Variants in HPF1 observed in about 807,000 individuals in gnomAD.
HPF1 encodes the protein histone PARylation factor 1.
HPF1 carries 35 observed loss-of-function variants against 38.8 expected under a neutral mutation model. The ratio of observed to expected loss-of-function variants is 0.90; its 90% CI spans 0.69 to 1.19. The LOEUF (loss-of-function observed/expected upper bound fraction) is 1.19, where lower values mean the gene tolerates loss of function less well. HPF1 is among the 50% of genes most tolerant of loss of function. HPF1 has a pLI of 0.00. For synonymous variants in HPF1, 115 were observed against 139.2 expected (o/e 0.83, Z 1.22); for missense variants, 367 against 405.8 (o/e 0.90, Z 0.82).
Position 169,731,883 on chromosome 4 carries a change from G to T in HPF1, c.737-7C>A, listed in dbSNP as rs761535771. 2.5e-6 allele frequency: 4 copies of T among 1,602,836 alleles called. No homozygotes were observed. In the South Asian group the frequency reaches 3.3e-5, roughly 13 times the overall value. On this transcript the variant is annotated splice_polypyrimidine_tract_variant and splice_region_variant and intron_variant, in intron 6 of 7. Transcript: ENST00000393381. Reference sequence around the variant, plus strand: ...CAAATTCTCTTGAGGTCAGCTGAAAGAAATCAATAATATAAAAGATTATCT... The same window carrying T: ...CAAATTCTCTTGAGGTCAGCTGAAATAAATCAATAATATAAAAGATTATCT...
chr4:169,744,025 G>A (rs1734013506), intron 4 of HPF1, among the ~76,000 whole-genome samples: 1 of 152,114 alleles, frequency 6.6e-6, no homozygotes, highest in Non-Finnish European at 1.5e-5. Flanking sequence ...ACAGCACACG[G>A]TTACACTAAA....
chr4:169,730,877 A>T (rs1365056761), intron 7 of HPF1, among the ~76,000 whole-genome samples: 1 of 152,228 alleles, frequency 6.6e-6, no homozygotes. Flanking sequence ...GCACTGATTT[A>T]GGCACTGATT....
chr4:169,756,539 ACT>A (rs570343220), intron 1 of HPF1, among the ~76,000 whole-genome samples: 27 of 152,166 alleles, frequency 1.8e-4, no homozygotes, highest in African/African-American at 5.8e-4. Context: ...TTGACTCCTG[ACT>A]CTACTGATTT....
intron 6 of HPF1, among the ~76,000 whole-genome samples, chr4:169,732,878 T>C (rs1254421629): frequency 6.6e-6 from 1 of 152,208 alleles, no homozygotes; most frequent in Non-Finnish European, 1.5e-5. Context: ...TGATTTGAAA[T>C]ATACAGGAGG....
In HPF1 at chr4:169,748,735, T is replaced by C. The variant is rs750128375; in HGVS notation, c.497+9A>G. Reference sequence around the variant, plus strand: ...CATTGTAAACAAATATAAATTAAAATATTCTTACTTGACTGCAGCAAATAC... The same window carrying C: ...CATTGTAAACAAATATAAATTAAAACATTCTTACTTGACTGCAGCAAATAC... On this transcript the variant is annotated intron_variant, in intron 4 of 7. Transcript: ENST00000393381. 1 of 1,251,916 alleles carries C rather than the reference T, an allele frequency of 8.0e-7. No homozygotes were observed. Among genetic ancestry groups the C allele is most frequent in the South Asian group, 1.4e-5 (1 of 73,444 alleles). The allele number at this position is 1,251,916 out of a possible 1,614,324, so 77.6% of individuals were successfully genotyped here. A position where few individuals can be genotyped will look rare whatever the true frequency, so the allele number is the denominator to read the frequency against.
At chr4:169,746,546 T>C (rs1170322746) in intron 4 of HPF1, among the ~76,000 whole-genome samples, 1 of 152,152 alleles carries the variant, frequency 6.6e-6, no homozygotes, top group Non-Finnish European at 1.5e-5. Flanking sequence ...TCTTTGCTGG[T>C]TAAATTGGCA....
intron 4 of HPF1, among the ~76,000 whole-genome samples, 173 bp downstream of exon 4, chr4:169,748,571 C>A (rs576937783): frequency 1.3e-5 from 2 of 151,998 alleles, no homozygotes; most frequent in Non-Finnish European, 2.9e-5. Context: ...TGGGGTATAC[C>A]CATGTTGTCC....
chr4:169,744,416 T>C (rs1419954817), intron 4 of HPF1, among the ~76,000 whole-genome samples: 1 of 152,212 alleles, frequency 6.6e-6, no homozygotes, highest in Non-Finnish European at 1.5e-5. Flanking sequence ...CTCTAACACT[T>C]TACTGTGTGA....
At chr4:169,754,999 A>G (rs1195169253) in intron 1 of HPF1, among the ~76,000 whole-genome samples, 2 of 151,938 alleles carry the variant, frequency 1.3e-5, no homozygotes, top group Non-Finnish European at 2.9e-5. Flanking sequence ...TACATGTGCC[A>G]TGTTGGTGTA....
intron 4 of HPF1, among the ~76,000 whole-genome samples, chr4:169,746,973 C>T (rs1358371814): frequency 8.4e-6 from 1 of 119,310 alleles, no homozygotes; most frequent in Non-Finnish European, 1.7e-5. Flanking sequence ...TACATGACCA[C>T]TATTATGTTA....
At chr4:169,750,373 C>A in intron 3 of HPF1, 163 bp downstream of exon 3, 1 of 485,212 alleles carries the variant, frequency 2.1e-6, no homozygotes, top group Non-Finnish European at 3.6e-6. Context: ...GTTTACCCAT[C>A]CTAGGGAAGG....
At chr4:169,730,542 G>A (rs1476220527) in intron 7 of HPF1, among the ~76,000 whole-genome samples, 2 of 152,202 alleles carry the variant, frequency 1.3e-5, no homozygotes, top group African/African-American at 4.8e-5. Flanking sequence ...GTACACCCCC[G>A]ACCAGGAGCA....
chr4:169,751,274 A>G (rs1734115984), intron 2 of HPF1, among the ~76,000 whole-genome samples: 1 of 151,996 alleles, frequency 6.6e-6, no homozygotes, highest in Non-Finnish European at 1.5e-5. Flanking sequence ...GTGGTGGCTC[A>G]CGCCTGTAAT....
At chr4:169,756,169 C>G (rs772386233) in intron 1 of HPF1, among the ~76,000 whole-genome samples, 1 of 152,214 alleles carries the variant, frequency 6.6e-6, no homozygotes, top group Non-Finnish European at 1.5e-5. Flanking sequence ...TAAGCACCTT[C>G]TGTGGATTAA....
chr4:169,742,771 C>CG (rs1281374982), intron 4 of HPF1, among the ~76,000 whole-genome samples: 6 of 151,738 alleles, frequency 4.0e-5, no homozygotes, highest in Admixed American at 6.6e-5. Context: ...CAGCCTGGGC[C>CG]ACAGAGCAAG....
chr4:169,757,931 C>A lies in HPF1; in HGVS notation c.-54G>T, dbSNP rs1734214050. ...CCGATCCGCGGCCGCTTCCGAGCGC[C>A]GCCAACCGCTTCCGGGTTCAAAAGC... is the stretch of plus-strand genomic sequence containing the variant. On this transcript the variant is annotated 5_prime_UTR_variant, in exon 1 of 8. Coordinates refer to ENST00000393381, the MANE Select transcript of HPF1 (RefSeq NM_017867.3). The A allele has an allele frequency of 6.6e-7, 1 of 1,512,912 alleles. No individual in the cohort carries two copies. 93.7% of individuals were successfully genotyped at this position (1,512,912 alleles called of 1,614,324 possible).
In HPF1 at chr4:169,750,625, G is replaced by T. The variant is rs1246736148; in HGVS notation, c.309C>A (p.Asn103Lys). The T allele has an allele frequency of 1.2e-6, 2 of 1,613,682 alleles. No individual in the cohort carries two copies. The highest frequency in any genetic ancestry group is 2.2e-5 in the East Asian group (1 of 44,842). Residue 103 changes from asparagine (N) to lysine (K), a missense_variant, in exon 3 of 8, where the codon AAC (asparagine) becomes AAA (lysine). Physicochemically the swap from Asn to Lys is moderately conservative, Grantham distance 94 (BLOSUM62 0). Coordinates refer to ENST00000393381, the MANE Select transcript of HPF1 (RefSeq NM_017867.3). ...TKKKSTGLNF[N>K]LHWRFYYDPP... Reference sequence around the variant, plus strand: ...GATCATAGTAAAACCTCCAGTGAAGGTTAAAATTCAGGCCTGTTGATTTTT... The same window carrying T: ...GATCATAGTAAAACCTCCAGTGAAGTTTAAAATTCAGGCCTGTTGATTTTT...
At chr4:169,735,239 A>G (rs570337506) in intron 6 of HPF1, among the ~76,000 whole-genome samples, 95 of 152,326 alleles carry the variant, frequency 6.2e-4, no homozygotes, top group Non-Finnish European at 1.0e-3. Flanking sequence ...AAGACCTACA[A>G]TAAAGAGTTG....
chr4:169,742,665 G>A (rs762104430), intron 4 of HPF1, among the ~76,000 whole-genome samples: 3 of 152,134 alleles, frequency 2.0e-5, no homozygotes, highest in Non-Finnish European at 2.9e-5. Context: ...GATGGCGGGC[G>A]CCTGTAGTCC....
Sources: gnomAD v4.1 joint callset for allele counts (sites outside exome capture counted in the v4.1 genomes callset) on GRCh38, gnomAD v4.1.1 for gene constraint, MANE v1.5 for transcripts, NCBI Gene and HGNC (gene_info 2026-07-23, HGNC 2026-07-21) for gene names.